TDRP: variants seen among roughly 807,000 people sequenced by gnomAD.
The protein encoded by TDRP is testis development-related protein.
Under a neutral mutation model 10.5 loss-of-function variants are expected in TDRP, and 12 were observed. The ratio of observed to expected loss-of-function variants is 1.15; its 90% confidence interval spans 0.73 to 1.86. The LOEUF is 1.86. TDRP is among the 40% of genes most tolerant of loss of function. The pLI, the probability that TDRP is intolerant of heterozygous loss-of-function variation, is 0.00. For synonymous variants in TDRP, 139 were observed against 95.4 expected, an observed-to-expected ratio of 1.46 and a Z score of -2.67; for missense variants, 353 against 229.2, an observed-to-expected ratio of 1.54 and a Z score of -3.49.
At chr8:538,845 G>C (rs1021623550) in intron 1 of TDRP, among the ~76,000 whole-genome samples, 4 of 152,182 alleles carry the variant, frequency 2.6e-5, no homozygotes, top group South Asian at 2.1e-4. Context: ...CTAAAATCTT[G>C]AAGACATGCG....
chr8:493,841 A>G (rs962551033), intron 2 of TDRP, among the ~76,000 whole-genome samples: 4 of 152,120 alleles, frequency 2.6e-5, no homozygotes, highest in African/African-American at 7.2e-5. Context: ...GTGAGGCTAC[A>G]GGCTGCTTTA....
chr8:503,946 G>A (rs1327708940), intron 1 of TDRP, among the ~76,000 whole-genome samples: 3 of 146,792 alleles, frequency 2.0e-5, no homozygotes, highest in African/African-American at 7.5e-5. Flanking sequence ...CCACACAATG[G>A]AACCAATGCC....
intron 1 of TDRP, among the ~76,000 whole-genome samples, chr8:497,807 C>A (rs1004308335): frequency 3.3e-5 from 5 of 152,212 alleles, no homozygotes; most frequent in Admixed American, 3.3e-4. Flanking sequence ...TCCTGCTTCA[C>A]TGTGCACCTC....
In TDRP at chr8:492,070, A is replaced by G. The variant is rs1012134783; in HGVS notation, c.*329T>C. 5.2e-6 allele frequency: 6 copies of G among 1,154,488 alleles called. No individual in the cohort carries two copies. The highest frequency in any genetic ancestry group is 5.3e-6 in the Non-Finnish European group (5 of 939,626). 71.5% of individuals were successfully genotyped at this position (1,154,488 alleles called of 1,614,324 possible). ...CTGAAACAGAACTACAACACAGAGC[A>G]GCATGAAAATCATTTTGTGAGAAAC... On this transcript the variant is annotated 3_prime_UTR_variant, in exon 3 of 3. Coordinates refer to ENST00000324079, the MANE Select transcript of TDRP (RefSeq NM_001384899.1).
At chr8:496,117 C>CT (rs1554456507) in intron 1 of TDRP, among the ~76,000 whole-genome samples, 1 of 152,258 alleles carries the variant, frequency 6.6e-6, no homozygotes, top group East Asian at 1.9e-4. Flanking sequence ...ACACACTGCA[C>CT]AAAAACCTAC....
At chr8:502,734 C>T (rs966173585) in intron 1 of TDRP, among the ~76,000 whole-genome samples, 3 of 151,424 alleles carry the variant, frequency 2.0e-5, no homozygotes, top group Non-Finnish European at 2.9e-5. Context: ...AATCCAGAGC[C>T]ACACAATGGA....
chr8:502,425 G>A (rs1801331556), intron 1 of TDRP, among the ~76,000 whole-genome samples: 1 of 152,238 alleles, frequency 6.6e-6, no homozygotes, highest in African/African-American at 2.4e-5. Flanking sequence ...CCTTCAGGGT[G>A]TGGTGGGGCT....
At chr8:512,917 A>G (rs1405297445) in intron 1 of TDRP, among the ~76,000 whole-genome samples, 1 of 151,908 alleles carries the variant, frequency 6.6e-6, no homozygotes, top group African/African-American at 2.4e-5. Flanking sequence ...GGTTGCAGTG[A>G]GCCAAGATTG....
chr8:492,614 C>G lies in TDRP; in HGVS notation c.343G>C (p.Ala115Pro), dbSNP rs201068688. The part of the protein sequence containing the change: ...EIEGWEPPKL[A>P]LEDISADPED... ...GGGTCAGCCGATATGTCTTCAAGAGCAAGTTTTGGAGGCTCCCAACCTTCA... is the reference window on the plus strand; with the variant it reads ...GGGTCAGCCGATATGTCTTCAAGAGGAAGTTTTGGAGGCTCCCAACCTTCA... The change falls in exon 3 of 3, where the codon GCT (alanine) becomes CCT (proline). Residue 115 changes from alanine (A) to proline (P), a missense_variant. Ala to Pro is a conservative substitution (Grantham distance 27). Transcript: ENST00000324079. 1.7e-4 allele frequency: 268 copies of G among 1,614,002 alleles called. No homozygotes were observed. The African/African-American group carries it at 3.1e-3, about 19-fold the overall frequency.
chr8:544,176 G>A (rs958159400), intron 1 of TDRP, among the ~76,000 whole-genome samples: 2 of 152,138 alleles, frequency 1.3e-5, no homozygotes, highest in African/African-American at 4.8e-5. Flanking sequence ...AAGCTGCTTA[G>A]TGTCCGCGAG....
intron 1 of TDRP, among the ~76,000 whole-genome samples, chr8:515,950 C>A (rs1289046963): frequency 1.3e-5 from 2 of 151,724 alleles, no homozygotes; most frequent in African/African-American, 2.4e-5. Flanking sequence ...TACAGTTAGA[C>A]AATAGAAAAA....
Position 491,863 on chromosome 8 carries a change from T to C in TDRP, c.*536A>G. The C allele has an allele frequency of 8.4e-7, 1 of 1,196,620 alleles. No individual in the cohort carries two copies. Among genetic ancestry groups the C allele is most frequent in the Non-Finnish European group, 1.0e-6 (1 of 965,336 alleles). The allele number at this position is 1,196,620 out of a possible 1,614,324, so 74.1% of individuals were successfully genotyped here. A position where few individuals can be genotyped will look rare whatever the true frequency, so the allele number is the denominator to read the frequency against. ...TTTTACTCCCAAATATAAGCTTTGC[T>C]TTTCCAGTATTTGTTTACGTATTTG... On this transcript the variant is annotated 3_prime_UTR_variant, in exon 3 of 3. Coordinates refer to ENST00000324079, the MANE Select transcript of TDRP (RefSeq NM_001384899.1).
intron 1 of TDRP, among the ~76,000 whole-genome samples, chr8:504,627 T>C (rs1801405734): frequency 6.6e-6 from 1 of 150,968 alleles, no homozygotes; most frequent in Admixed American, 6.6e-5. Flanking sequence ...GTTTTGGGAA[T>C]AAGAAGTCAG....
intron 1 of TDRP, among the ~76,000 whole-genome samples, chr8:529,911 G>A (rs1802142540): frequency 1.3e-5 from 2 of 152,052 alleles, no homozygotes; most frequent in Non-Finnish European, 2.9e-5. Context: ...GAATCTGGAT[G>A]TCCATTTTCT....
At chr8:494,434 C>G (rs1801073129) in intron 2 of TDRP, 60 bp downstream of exon 2, 1 of 1,523,008 alleles carries the variant, frequency 6.6e-7, no homozygotes, top group African/African-American at 1.4e-5. Context: ...TCATTTCCAC[C>G]TCCTCAGTGA....
intron 1 of TDRP, among the ~76,000 whole-genome samples, chr8:504,821 G>A (rs1801410183): frequency 6.6e-6 from 1 of 152,138 alleles, no homozygotes; most frequent in African/African-American, 2.4e-5. Flanking sequence ...TGTGCTCTCT[G>A]CTCATTCACA....
chr8:502,044 G>T (rs1052425563), intron 1 of TDRP, among the ~76,000 whole-genome samples: 1 of 152,178 alleles, frequency 6.6e-6, no homozygotes, highest in African/African-American at 2.4e-5. Context: ...CAGGCCCCAG[G>T]CCTCTTCTTG....
chr8:529,524 T>C (rs1162202079), intron 1 of TDRP, among the ~76,000 whole-genome samples: 1 of 152,146 alleles, frequency 6.6e-6, no homozygotes, highest in African/African-American at 2.4e-5. Context: ...CTTCAAAGAA[T>C]CTCTTTAGCA....
At chr8:499,987 C>A (rs955630413) in intron 1 of TDRP, among the ~76,000 whole-genome samples, 1 of 152,174 alleles carries the variant, frequency 6.6e-6, no homozygotes, top group Admixed American at 6.5e-5. Context: ...GCAGAAAAAA[C>A]CTAAACACCT....
Sources: allele counts gnomAD v4.1 joint callset (sites outside exome capture counted in the v4.1 genomes callset), GRCh38; gene constraint gnomAD v4.1.1; transcripts MANE v1.5; gene names NCBI Gene and HGNC (gene_info 2026-07-23, HGNC 2026-07-21).